SFXN1: variants seen among roughly 807,000 people sequenced by gnomAD.
SFXN1 encodes sideroflexin-1.
A neutral mutation model predicts 39.5 loss-of-function variants in SFXN1; 32 were observed. The observed-to-expected ratio is 0.81, with a 90% CI of 0.61 to 1.09. The LOEUF (loss-of-function observed/expected upper bound fraction) is 1.09. SFXN1 is among the 50% of genes least tolerant of loss of function. SFXN1 has a pLI of 0.00. For missense variants in SFXN1, 402 were observed against 407.1 expected (o/e 0.99, Z 0.11); for synonymous variants, 136 against 146.5 (o/e 0.93, Z 0.52).
At position 175,526,980 on chromosome 5, in the gene SFXN1, T is replaced by C. The variant is rs1198514249; in HGVS notation, c.*246T>C. 8.0e-6 allele frequency: 4 copies of C among 497,474 alleles called. No individual in the cohort carries two copies. The East Asian group carries it at 1.3e-4, about 16-fold the overall frequency. 30.8% of individuals were successfully genotyped at this position (497,474 alleles called of 1,614,324 possible). A position where few individuals can be genotyped will look rare whatever the true frequency, so the allele number is the denominator to read the frequency against. Reference sequence around the variant, plus strand: ...ACCTTTCCTGTAGCTTTTATAGTCATTGTTTTTCAAAGACGATATACCAGC... The same window carrying C: ...ACCTTTCCTGTAGCTTTTATAGTCACTGTTTTTCAAAGACGATATACCAGC... On this transcript the variant is annotated 3_prime_UTR_variant, in exon 11 of 11. Transcript: ENST00000321442.
At chr5:175,482,880 A>G (rs1455727276) in intron 1 of SFXN1, among the ~76,000 whole-genome samples, 1 of 152,084 alleles carries the variant, frequency 6.6e-6, no homozygotes, top group Non-Finnish European at 1.5e-5. Context: ...GGGAAATTAC[A>G]CCACAGGGCG....
At chr5:175,494,990 A>G (rs1459627971) in intron 2 of SFXN1, among the ~76,000 whole-genome samples, 1 of 152,206 alleles carries the variant, frequency 6.6e-6, no homozygotes, top group Non-Finnish European at 1.5e-5. Context: ...TTGTACACTC[A>G]TGTACATAGC....
chr5:175,521,813 A>G lies in SFXN1; in HGVS notation c.775-106A>G, dbSNP rs6892767. 34 of 878,988 alleles carry G rather than the reference A, an allele frequency of 3.9e-5. No individual in the cohort carries two copies. In the South Asian group the frequency reaches 7.1e-4, roughly 18 times the overall value. 54.4% of individuals were successfully genotyped at this position (878,988 alleles called of 1,614,324 possible). A position where few individuals can be genotyped will look rare whatever the true frequency, so the allele number is the denominator to read the frequency against. Reference sequence around the variant, plus strand: ...CCCCAAATTTCACTAACCATGTTCTATCTGAATCTTGAAATGTGGTGAGAG... The same window carrying G: ...CCCCAAATTTCACTAACCATGTTCTGTCTGAATCTTGAAATGTGGTGAGAG... On this transcript the variant is annotated intron_variant, in intron 8 of 10. Transcript: ENST00000321442.
intron 2 of SFXN1, among the ~76,000 whole-genome samples, chr5:175,497,912 A>G (rs187050511): frequency 6.7e-6 from 1 of 150,332 alleles, no homozygotes; most frequent in East Asian, 2.0e-4. Flanking sequence ...CGCAGGTGAC[A>G]AGAGCAAAAC....
At position 175,525,212 on chromosome 5, in the gene SFXN1, A is replaced by AG. The variant is rs776323912; in HGVS notation, c.873-1425dup. Among the ~76,000 whole-genome samples, 11 of 152,360 alleles carry AG rather than the reference A, an allele frequency of 7.2e-5. No individual in the cohort carries two copies. In the East Asian group the frequency reaches 1.2e-3, roughly 16 times the overall value. On this transcript the variant is annotated intron_variant, in intron 10 of 10. Transcript: ENST00000321442. ...ATTCATAGTAATTACAGATACTTAG[A>AG]GATCAGTGGCAAAACAGAAAGACCA...
chr5:175,488,324 C>T (rs1246566248), intron 1 of SFXN1, among the ~76,000 whole-genome samples: 5 of 143,464 alleles, frequency 3.5e-5, no homozygotes, highest in South Asian at 2.2e-4. Context: ...TTTTTTGAGA[C>T]GGAGTTTCGC....
chr5:175,524,824 T>A (rs1349299299), intron 10 of SFXN1, among the ~76,000 whole-genome samples: 2 of 151,616 alleles, frequency 1.3e-5, no homozygotes, highest in African/African-American at 4.8e-5. Flanking sequence ...ATAATATGAA[T>A]GAAAAAGAGG....
rs1261049347 is a variant in SFXN1 at position 175,528,616 on chromosome 5, G to T, written c.*1882G>T. The T allele has an allele frequency of 6.6e-6, 1 of 152,146 alleles. No homozygotes were observed. Among genetic ancestry groups the T allele is most frequent in the East Asian group, 1.9e-4 (1 of 5,204 alleles). 9.4% of individuals were successfully genotyped at this position (152,146 alleles called of 1,614,324 possible). A position where few individuals can be genotyped will look rare whatever the true frequency, so the allele number is the denominator to read the frequency against. On this transcript the variant is annotated 3_prime_UTR_variant, in exon 11 of 11. Coordinates refer to ENST00000321442, the MANE Select transcript of SFXN1 (RefSeq NM_022754.7). ...TCATAAAGAAAAAATGGCGTGCCTT[G>T]TGTCTGTGTTTCTCTTTTCTCTGAA...
intron 7 of SFXN1, chr5:175,513,791 G>A (rs1232120706): frequency 5.9e-6 from 3 of 508,324 alleles, no homozygotes; most frequent in Non-Finnish European, 1.1e-5. Flanking sequence ...GCTAGGGCGT[G>A]TGGGTAGGGC....
intron 7 of SFXN1, among the ~76,000 whole-genome samples, chr5:175,515,494 A>G (rs1561673087): frequency 6.6e-6 from 1 of 152,230 alleles, no homozygotes; most frequent in Non-Finnish European, 1.5e-5. Flanking sequence ...ATATTGAAAT[A>G]GTGGATATGA....
intron 1 of SFXN1, among the ~76,000 whole-genome samples, chr5:175,488,098 C>T (rs191286387): frequency 6.6e-6 from 1 of 152,278 alleles, no homozygotes; most frequent in East Asian, 1.9e-4. Flanking sequence ...TGCGTCCGTT[C>T]ATTTCGGTCC....
chr5:175,506,896 C>G (rs1050539790), intron 2 of SFXN1, among the ~76,000 whole-genome samples: 2 of 152,164 alleles, frequency 1.3e-5, no homozygotes, highest in Non-Finnish European at 2.9e-5. Flanking sequence ...GAACTCCTGA[C>G]CTCGTGATCC....
At chr5:175,523,855 T>C (rs746224001) in intron 10 of SFXN1, 12 of 152,026 alleles carry the variant, frequency 7.9e-5, no homozygotes, top group Non-Finnish European at 1.6e-4. Context: ...TTATACATTG[T>C]ATGTTTGGCT....
intron 7 of SFXN1, 154 bp downstream of exon 7, chr5:175,513,744 G>C (rs997579321): frequency 5.2e-6 from 4 of 775,828 alleles, no homozygotes; most frequent in Non-Finnish European, 6.1e-6. Flanking sequence ...AAAGTATGTA[G>C]TATGTGCAGT....
intron 2 of SFXN1, among the ~76,000 whole-genome samples, chr5:175,503,677 T>C (rs1760168288): frequency 6.6e-6 from 1 of 152,108 alleles, no homozygotes; most frequent in Non-Finnish European, 1.5e-5. Flanking sequence ...AATGGAACAC[T>C]AGAGCTGAAC....
In SFXN1 at chr5:175,529,450, T is replaced by C. The variant is rs1329134592; in HGVS notation, c.*2716T>C. On this transcript the variant is annotated 3_prime_UTR_variant, in exon 11 of 11. Transcript: ENST00000321442. Reference sequence around the variant, plus strand: ...AATGCTTTTATATAAAGCTATCAACTGTATGTTGATCACAGTTTATAAGAA... The same window carrying C: ...AATGCTTTTATATAAAGCTATCAACCGTATGTTGATCACAGTTTATAAGAA... 2 of 150,420 alleles carry C rather than the reference T, an allele frequency of 1.3e-5. No homozygotes were observed. Among genetic ancestry groups the C allele is most frequent in the Non-Finnish European group, 2.9e-5 (2 of 67,996 alleles). 9.3% of individuals were successfully genotyped at this position (150,420 alleles called of 1,614,324 possible). A position where few individuals can be genotyped will look rare whatever the true frequency, so the allele number is the denominator to read the frequency against.
In SFXN1 at chr5:175,526,721, A is replaced by G. The variant is rs778475439; in HGVS notation, c.956A>G (p.Asn319Ser). The change falls in exon 11 of 11, where the codon AAT (asparagine) becomes AGT (serine). Residue 319 changes from asparagine (N) to serine (S), a missense_variant. Physicochemically the swap from Asn to Ser is conservative, Grantham distance 46 (BLOSUM62 1). Transcript: ENST00000321442. ...CCTGAATTGCGACGCGTGTACTTCAATAAGGGATTGTAAAGCAGGGAGGAA... is the reference window on the plus strand; with the variant it reads ...CCTGAATTGCGACGCGTGTACTTCAGTAAGGGATTGTAAAGCAGGGAGGAA... ...SHPELRRVYF[N>S]KGL 1.9e-6 allele frequency: 3 copies of G among 1,614,088 alleles called. No homozygotes were observed. The highest frequency in any genetic ancestry group is 2.2e-5 in the South Asian group (2 of 91,084).
chr5:175,512,320 T>G (rs1760550922), intron 6 of SFXN1, 124 bp downstream of exon 6: 1 of 841,556 alleles, frequency 1.2e-6, no homozygotes, highest in South Asian at 1.8e-5. Flanking sequence ...ATATGAGATC[T>G]TGGATTTCTT....
intron 7 of SFXN1, among the ~76,000 whole-genome samples, chr5:175,514,248 G>A (rs950455556): frequency 7.9e-5 from 12 of 152,160 alleles, no homozygotes; most frequent in Non-Finnish European, 1.5e-4. Context: ...TTGACCAGAA[G>A]GAACTGATGG....
Sources: gnomAD v4.1 joint callset for allele counts (sites outside exome capture counted in the v4.1 genomes callset) on GRCh38, gnomAD v4.1.1 for gene constraint, MANE v1.5 for transcripts, NCBI Gene and HGNC (gene_info 2026-07-23, HGNC 2026-07-21) for gene names.